The following ST6GALNAC3 variants were observed in gnomAD, a reference collection of about 807,000 sequenced individuals.
ST6GALNAC3 encodes the protein ST6 N-acetylgalactosaminide alpha-2,6-sialyltransferase 3.
A neutral mutation model predicts 32.7 loss-of-function variants in ST6GALNAC3; 25 were observed. That is an observed-to-expected ratio of 0.76 (90% CI 0.56 to 1.07). The LOEUF (loss-of-function observed/expected upper bound fraction) is 1.07. Ranked by LOEUF, ST6GALNAC3 falls within the 50% of genes least tolerant of loss-of-function variation. The pLI is 0.00. For synonymous variants in ST6GALNAC3, 129 were observed against 133.1 expected (o/e 0.97, Z 0.21); for missense variants, 355 against 382.4 (o/e 0.93, Z 0.60).
At chr1:76,095,283 T>A in intron 1 of ST6GALNAC3, among the ~76,000 whole-genome samples, 1 of 152,294 alleles carries the variant, frequency 6.6e-6, no homozygotes, top group East Asian at 1.9e-4. Context: ...AAGTATAACA[T>A]TATACTTTGT....
intron 3 of ST6GALNAC3, among the ~76,000 whole-genome samples, chr1:76,528,719 C>T (rs1326386007): frequency 6.6e-6 from 1 of 151,438 alleles, no homozygotes; most frequent in Non-Finnish European, 1.5e-5. Context: ...AGCATCCATG[C>T]CTGAAGTGAG....
At chr1:76,421,242 G>C (rs1655011249) in intron 3 of ST6GALNAC3, among the ~76,000 whole-genome samples, 1 of 152,010 alleles carries the variant, frequency 6.6e-6, no homozygotes, top group South Asian at 2.1e-4. Flanking sequence ...TCTAGGATTG[G>C]ATTTTGATAG....
intron 3 of ST6GALNAC3, among the ~76,000 whole-genome samples, chr1:76,492,433 A>C (rs1017735115): frequency 2.6e-5 from 4 of 152,200 alleles, no homozygotes; most frequent in Admixed American, 1.3e-4. Context: ...AAAGAAAAAC[A>C]TTATCTATTA....
At chr1:76,263,616 A>G (rs1570620807) in intron 1 of ST6GALNAC3, among the ~76,000 whole-genome samples, 1 of 152,292 alleles carries the variant, frequency 6.6e-6, no homozygotes, top group East Asian at 1.9e-4. Flanking sequence ...ATATCCTACA[A>G]TAGCAGAAGC....
At chr1:76,240,536 T>C (rs1299110515) in intron 1 of ST6GALNAC3, among the ~76,000 whole-genome samples, 2 of 152,194 alleles carry the variant, frequency 1.3e-5, no homozygotes, top group African/African-American at 4.8e-5. Flanking sequence ...GTAGAAGTGA[T>C]GTGTGCCATT....
chr1:76,272,868 A>T (rs1326880439), intron 1 of ST6GALNAC3, among the ~76,000 whole-genome samples: 2 of 152,206 alleles, frequency 1.3e-5, no homozygotes, highest in African/African-American at 4.8e-5. Flanking sequence ...AAGAAGGCCT[A>T]TATAAAATGG....
rs386367380 is a variant in ST6GALNAC3 at position 76,361,977 on chromosome 1, C to CAAAAAA, written c.213+47989_213+47994dup. Among the ~76,000 whole-genome samples the CAAAAAA allele has an allele frequency of 1.4e-3, 90 of 63,188 alleles. 2 individuals are homozygous for CAAAAAA. Among genetic ancestry groups the CAAAAAA allele is most frequent in the East Asian group, 0.012 (8 of 676 alleles). The allele number at this position is 63,188 out of a possible 152,430, so 41.5% of individuals were successfully genotyped here. ...TGGGCAACAGAGTGAGACTCTGTATCAAAAAAAAAAAAAAAAGAGAGAAAG... is the reference window on the plus strand; with the variant it reads ...TGGGCAACAGAGTGAGACTCTGTATCAAAAAAAAAAAAAAAAAAAAAAGAGAGAAAG... On this transcript the variant is annotated intron_variant, in intron 2 of 4. Coordinates refer to ENST00000328299, the MANE Select transcript of ST6GALNAC3 (RefSeq NM_152996.4).
At chr1:76,345,565 T>C (rs889906562) in intron 2 of ST6GALNAC3, among the ~76,000 whole-genome samples, 10 of 152,150 alleles carry the variant, frequency 6.6e-5, no homozygotes, top group Non-Finnish European at 1.3e-4. Flanking sequence ...AAATAGTATT[T>C]CTAATGATAA....
chr1:76,289,842 C>A (rs1659978638), intron 1 of ST6GALNAC3, among the ~76,000 whole-genome samples: 1 of 152,194 alleles, frequency 6.6e-6, no homozygotes, highest in South Asian at 2.1e-4. Context: ...CCAGTGGAAG[C>A]CCAACCCCCC....
chr1:76,618,584 A>C (rs1648441663), intron 3 of ST6GALNAC3, among the ~76,000 whole-genome samples: 1 of 152,172 alleles, frequency 6.6e-6, no homozygotes, highest in Non-Finnish European at 1.5e-5. Context: ...GATTTGCAAA[A>C]ATATTTTTAT....
intron 2 of ST6GALNAC3, among the ~76,000 whole-genome samples, chr1:76,393,227 G>C (rs1392920818): frequency 1.3e-5 from 2 of 152,216 alleles, no homozygotes; most frequent in East Asian, 1.9e-4. Flanking sequence ...ATTTGGAACT[G>C]TCTTACTGTC....
intron 1 of ST6GALNAC3, among the ~76,000 whole-genome samples, chr1:76,081,720 G>C (rs891715877): frequency 6.6e-6 from 1 of 152,116 alleles, no homozygotes; most frequent in Non-Finnish European, 1.5e-5. Context: ...TGGGAGTGAG[G>C]GAGAGTTGGA....
At chr1:76,536,072 T>C (rs993010474) in intron 3 of ST6GALNAC3, among the ~76,000 whole-genome samples, 1 of 152,094 alleles carries the variant, frequency 6.6e-6, no homozygotes, top group Admixed American at 6.6e-5. Flanking sequence ...TAAAATAAGA[T>C]AGAAATACAA....
At chr1:76,337,352 G>A (rs954407961) in intron 2 of ST6GALNAC3, among the ~76,000 whole-genome samples, 11 of 152,194 alleles carry the variant, frequency 7.2e-5, no homozygotes, top group South Asian at 6.2e-4. Flanking sequence ...AGCAAACCGC[G>A]GAAGCTACTG....
intron 1 of ST6GALNAC3, among the ~76,000 whole-genome samples, chr1:76,131,403 G>A (rs1649601035): frequency 6.6e-6 from 1 of 152,166 alleles, no homozygotes; most frequent in African/African-American, 2.4e-5. Context: ...GGACCCCTGA[G>A]GGAAGACGGA....
chr1:76,217,745 C>T (rs572089639), intron 1 of ST6GALNAC3, among the ~76,000 whole-genome samples: 101 of 152,290 alleles, frequency 6.6e-4, no homozygotes, highest in African/African-American at 2.3e-3. Flanking sequence ...TTAGCTCCCA[C>T]GTATGAGAGA....
At chr1:76,103,844 A>T (rs1484308084) in intron 1 of ST6GALNAC3, among the ~76,000 whole-genome samples, 1 of 152,164 alleles carries the variant, frequency 6.6e-6, no homozygotes, top group East Asian at 1.9e-4. Flanking sequence ...GATTGCATTC[A>T]GGGTTCATCT....
At chr1:76,098,864 A>C (rs1048743153) in intron 1 of ST6GALNAC3, among the ~76,000 whole-genome samples, 5 of 152,122 alleles carry the variant, frequency 3.3e-5, no homozygotes, top group Admixed American at 6.5e-5. Flanking sequence ...ATTTCTTGAA[A>C]ATATTTTAGC....
intron 1 of ST6GALNAC3, among the ~76,000 whole-genome samples, chr1:76,144,940 TTC>T (rs1650583504): frequency 6.6e-6 from 1 of 152,224 alleles, no homozygotes; most frequent in South Asian, 2.1e-4. Context: ...CTCAGGCATC[TTC>T]TGAGTTTCTC....
Sources: allele counts gnomAD v4.1 joint callset (sites outside exome capture counted in the v4.1 genomes callset), GRCh38; gene constraint gnomAD v4.1.1; transcripts MANE v1.5; gene names NCBI Gene and HGNC (gene_info 2026-07-23, HGNC 2026-07-21).